Variants in DNAH8 observed in about 807,000 individuals in gnomAD.
The protein encoded by DNAH8 is dynein axonemal heavy chain 8, also known as axonemal beta dynein heavy chain 8.
A neutral mutation model predicts 562.1 loss-of-function variants in DNAH8; 382 were observed. That is an observed-to-expected ratio of 0.68 (90% CI 0.63 to 0.74). The LOEUF (loss-of-function observed/expected upper bound fraction) is 0.74. Ranked by LOEUF, DNAH8 falls within the 30% of genes least tolerant of loss-of-function variation. DNAH8 has a pLI of 0.00. For synonymous variants in DNAH8, 1,881 were observed against 1,919.4 expected (o/e 0.98, Z 0.52); for missense variants, 5,203 against 5,620.4 (o/e 0.93, Z 2.37).
intron 80 of DNAH8, among the ~76,000 whole-genome samples, 164 bp downstream of exon 80, chr6:38,945,752 G>A (rs1561898961): frequency 6.6e-6 from 1 of 152,152 alleles, no homozygotes; most frequent in East Asian, 1.9e-4. Flanking sequence ...TTGGACAGAT[G>A]GACCTCAGGG....
At chr6:38,952,669 G>A (rs979047590) in intron 82 of DNAH8, among the ~76,000 whole-genome samples, 1 of 152,118 alleles carries the variant, frequency 6.6e-6, no homozygotes, top group African/African-American at 2.4e-5. Context: ...CGGTAGCATG[G>A]TCCATGTTCA....
intron 43 of DNAH8, among the ~76,000 whole-genome samples, chr6:38,861,917 A>G (rs984716984): frequency 6.7e-6 from 1 of 148,764 alleles, no homozygotes; most frequent in Admixed American, 6.7e-5. Context: ...GGAAGAATTT[A>G]TACAATAGAT....
intron 7 of DNAH8, among the ~76,000 whole-genome samples, chr6:38,738,543 A>G (rs1434926337): frequency 6.6e-6 from 1 of 152,226 alleles, no homozygotes; most frequent in Admixed American, 6.5e-5. Context: ...AAAATCGGAT[A>G]TTACATAATT....
At chr6:38,735,713 A>G (rs959604538) in intron 5 of DNAH8, among the ~76,000 whole-genome samples, 71 of 152,214 alleles carry the variant, frequency 4.7e-4, no homozygotes, top group Non-Finnish European at 6.2e-4. Context: ...GAAATAGTAT[A>G]AGTCTTTCAT....
intron 4 of DNAH8, among the ~76,000 whole-genome samples, chr6:38,730,259 T>C (rs1399627938): frequency 6.6e-6 from 1 of 152,164 alleles, no homozygotes; most frequent in African/African-American, 2.4e-5. Context: ...AATTGCATTT[T>C]CCCCGAAACA....
intron 85 of DNAH8, among the ~76,000 whole-genome samples, chr6:38,977,517 T>G (rs1206380559): frequency 6.6e-6 from 1 of 152,152 alleles, no homozygotes; most frequent in African/African-American, 2.4e-5. Flanking sequence ...TTCAGCATCC[T>G]CTTGAAGATT....
chr6:38,883,581 G>A, intron 55 of DNAH8, 125 bp downstream of exon 55: 1 of 1,115,242 alleles, frequency 9.0e-7, no homozygotes, highest in Non-Finnish European at 1.2e-6. Flanking sequence ...TGCTGCACTT[G>A]GCATTCAGCT....
At chr6:38,761,093 TTTA>T (rs780902610) in intron 10 of DNAH8, among the ~76,000 whole-genome samples, 6 of 150,502 alleles carry the variant, frequency 4.0e-5, no homozygotes, top group Non-Finnish European at 5.9e-5. Flanking sequence ...ATTTTATTTA[TTTA>T]TTATTATTAT....
chr6:39,028,366 T>C (rs900325842), intron 92 of DNAH8, among the ~76,000 whole-genome samples: 6 of 152,234 alleles, frequency 3.9e-5, no homozygotes, highest in Non-Finnish European at 8.8e-5. Context: ...TGGTTTCTAC[T>C]GGAGGCCCCA....
At chr6:38,968,813 T>C (rs1308676574) in intron 82 of DNAH8, among the ~76,000 whole-genome samples, 1 of 152,120 alleles carries the variant, frequency 6.6e-6, no homozygotes, top group Admixed American at 6.5e-5. Flanking sequence ...AAAATATACA[T>C]CCACCCAAAA....
At chr6:38,816,322 T>G (rs1290774514) in intron 26 of DNAH8, among the ~76,000 whole-genome samples, 2 of 152,156 alleles carry the variant, frequency 1.3e-5, no homozygotes. Flanking sequence ...CACTTACAAG[T>G]GAGAACATGT....
chr6:38,857,959 G>A (rs908816076), intron 42 of DNAH8, among the ~76,000 whole-genome samples: 5 of 152,176 alleles, frequency 3.3e-5, no homozygotes, highest in African/African-American at 1.2e-4. Flanking sequence ...ACCAACTGAT[G>A]TGATATGAGC....
At chr6:38,788,933 T>A (rs1413720168) in intron 18 of DNAH8, among the ~76,000 whole-genome samples, 1 of 152,216 alleles carries the variant, frequency 6.6e-6, no homozygotes, top group African/African-American at 2.4e-5. Context: ...TAATTGTCTT[T>A]TTTTTGAAAA....
intron 85 of DNAH8, among the ~76,000 whole-genome samples, chr6:38,978,724 C>A (rs1167628732): frequency 6.6e-6 from 1 of 152,130 alleles, no homozygotes; most frequent in East Asian, 1.9e-4. Context: ...TAGAACCTAA[C>A]GTAAAATTGG....
Position 39,030,334 on chromosome 6 carries a change from T to C in DNAH8, c.14066T>C (p.Val4689Ala). ...TFITVVYLRT[V>A]LSPDHWILRG... ...ATCACTGTGGTATATTTACGAACAG[T>C]GTTGTCCCCGGATCACTGGATCCTG... The change falls in exon 93 of 93, where the codon GTG becomes GCG. Residue 4689 changes from valine (V) to alanine (A), a missense_variant. By Grantham distance (64) the Val-to-Ala change is moderately conservative. Coordinates refer to ENST00000327475, the MANE Select transcript of DNAH8 (RefSeq NM_001206927.2). 1 of 1,614,182 alleles carries C rather than the reference T, an allele frequency of 6.2e-7. No individual in the cohort carries two copies. Among genetic ancestry groups the C allele is most frequent in the South Asian group, 1.1e-5 (1 of 91,084 alleles).
chr6:38,874,434 A>G (rs1286643165), intron 52 of DNAH8, among the ~76,000 whole-genome samples: 2 of 150,732 alleles, frequency 1.3e-5, no homozygotes, highest in African/African-American at 2.4e-5. Context: ...GGTGCAATCA[A>G]TCATAACTCA....
intron 91 of DNAH8, among the ~76,000 whole-genome samples, chr6:39,018,944 A>G (rs1254138451): frequency 6.6e-6 from 1 of 152,194 alleles, no homozygotes; most frequent in African/African-American, 2.4e-5. Flanking sequence ...GAAACGAGGA[A>G]ATGGAGACTA....
chr6:39,014,148 C>T (rs1402294587), intron 91 of DNAH8, among the ~76,000 whole-genome samples: 11 of 152,064 alleles, frequency 7.2e-5, no homozygotes, highest in Non-Finnish European at 1.5e-5. Flanking sequence ...GAAACACTAA[C>T]CATGGTGATT....
Position 38,804,759 on chromosome 6 carries a change from A to AAGAGAGAG in DNAH8, c.3035-698_3035-691dup, listed in dbSNP as rs137967997. Among the ~76,000 whole-genome samples, 260 of 111,158 alleles carry AAGAGAGAG rather than the reference A, an allele frequency of 2.3e-3. 2 individuals carry two copies. Among genetic ancestry groups the AAGAGAGAG allele is most frequent in the African/African-American group, 7.1e-3 (230 of 32,286 alleles). 72.9% of individuals were successfully genotyped at this position (111,158 alleles called of 152,430 possible). A position where few individuals can be genotyped will look rare whatever the true frequency, so the allele number is the denominator to read the frequency against. ...GATCCCATGAAAGTGACATAGCAAG[A>AAGAGAGAG]AGAGAGAGAGAGAGAGAGAGAGAGA... On this transcript the variant is annotated intron_variant, in intron 22 of 92. Transcript: ENST00000327475.
Sources: allele counts gnomAD v4.1 joint callset (sites outside exome capture counted in the v4.1 genomes callset), GRCh38; gene constraint gnomAD v4.1.1; transcripts MANE v1.5; gene names NCBI Gene and HGNC (gene_info 2026-07-23, HGNC 2026-07-21).